Variants in DYDC1 observed in about 807,000 individuals in gnomAD.
The protein encoded by DYDC1 is DPY30 domain containing 1, also known as DPY30 domain-containing protein 1.
In DYDC1, 21 loss-of-function variants were observed where a neutral mutation model predicts 27.9. The observed-to-expected ratio is 0.75, with a 90% CI of 0.53 to 1.08. The LOEUF is 1.08. Ranked by LOEUF, DYDC1 falls within the 50% of genes least tolerant of loss-of-function variation. The pLI is 0.00. For synonymous variants in DYDC1, 67 were observed against 65.8 expected, an observed-to-expected ratio of 1.02 and a Z score of -0.09; for missense variants, 202 against 205.9, an observed-to-expected ratio of 0.98 and a Z score of 0.12.
chr10:80,343,220 G>T (rs181051750), intron 3 of DYDC1, among the ~76,000 whole-genome samples: 1 of 152,058 alleles, frequency 6.6e-6, no homozygotes, highest in Non-Finnish European at 1.5e-5. Context: ...ATAGGAAAAC[G>T]GTATGAAATG....
At position 80,352,504 on chromosome 10, in the gene DYDC1, A is replaced by G. The variant is rs759659417; in HGVS notation, c.98T>C (p.Leu33Ser). The G allele has an allele frequency of 1.9e-6, 3 of 1,613,426 alleles. No individual in the cohort carries two copies. The South Asian group carries it at 3.3e-5, about 18-fold the overall frequency. Residue 33 changes from leucine (L) to serine (S), a missense_variant, in exon 2 of 7, where the codon TTA becomes TCA. Transcript: ENST00000372202. ...RVRPVDPIEY[L>S]ALWIYKYKEN... ...CTTATACTTGTAAATCCACAATGCT[A>G]AATATTCTATCGGATCCACTGGGCG...
chr10:80,336,121 A>G lies in DYDC1; in HGVS notation c.*35T>C. On this transcript the variant is annotated 3_prime_UTR_variant, in exon 7 of 7. Coordinates refer to ENST00000372202, the MANE Select transcript of DYDC1 (RefSeq NM_001269053.2). ...ACCTCATGGTTTGAAATTTGAAACA[A>G]ACAAAAACATTTATTGCTCTTAGGT... 7.3e-7 allele frequency: 1 copy of G among 1,371,442 alleles called. No individual in the cohort carries two copies. Among genetic ancestry groups the G allele is most frequent in the Non-Finnish European group, 1.0e-6 (1 of 983,318 alleles). 85.0% of individuals were successfully genotyped at this position (1,371,442 alleles called of 1,614,324 possible).
chr10:80,338,038 G>A, intron 6 of DYDC1: 1 of 974,948 alleles, frequency 1.0e-6, no homozygotes, highest in African/African-American at 1.8e-5. Context: ...ATCAGGCACA[G>A]TGCCTGGCAT....
rs915733110 is a variant in DYDC1, at chr10:80,352,924, T to C, written c.-9-314A>G. On this transcript the variant is annotated intron_variant, in intron 1 of 6. Transcript: ENST00000372202. Reference sequence around the variant, plus strand: ...AAGTAATGTGGGTCTCATGTAATCCTCACAACATACCTGAAAAATGGGTAT... The same window carrying C: ...AAGTAATGTGGGTCTCATGTAATCCCCACAACATACCTGAAAAATGGGTAT... Among the ~76,000 whole-genome samples, 4 of 152,162 alleles carry C rather than the reference T, an allele frequency of 2.6e-5. No individual in the cohort carries two copies. The East Asian group carries it at 7.7e-4, about 29-fold the overall frequency.
intron 1 of DYDC1, chr10:80,354,427 A>C (rs1813110533): frequency 6.8e-6 from 1 of 148,106 alleles, no homozygotes; most frequent in Non-Finnish European, 1.5e-5. Flanking sequence ...CAGAGGTTGC[A>C]GTGAGCTGAG....
intron 6 of DYDC1, chr10:80,337,038 T>C (rs1842153207): frequency 1.2e-6 from 1 of 835,656 alleles, no homozygotes; most frequent in Middle Eastern, 6.1e-4. Context: ...GCTCTGCCTT[T>C]ATCCACCTCT....
intron 4 of DYDC1, among the ~76,000 whole-genome samples, chr10:80,341,591 G>C (rs1842321353): frequency 6.6e-6 from 1 of 151,518 alleles, no homozygotes; most frequent in Non-Finnish European, 1.5e-5. Context: ...TCCGAGATTG[G>C]AATACCCTCA....
intron 1 of DYDC1, chr10:80,356,183 ATGTTCCTGTC>A (rs754811022): frequency 1.2e-4 from 116 of 936,864 alleles, no homozygotes; most frequent in Non-Finnish European, 1.4e-4. Flanking sequence ...CTCCCTTAGC[ATGTTCCTGTC>A]TGTGAAACGA....
At chr10:80,352,064 A>G in intron 2 of DYDC1, 62 bp from the exon 3 acceptor site, 1 of 1,496,602 alleles carries the variant, frequency 6.7e-7, no homozygotes, top group Non-Finnish European at 9.3e-7. Flanking sequence ...TGTAAAAGCA[A>G]TCTTGAAAGC....
intron 3 of DYDC1, among the ~76,000 whole-genome samples, chr10:80,350,280 G>C (rs1220265402): frequency 1.3e-5 from 2 of 152,190 alleles, no homozygotes; most frequent in Non-Finnish European, 2.9e-5. Flanking sequence ...GCCAAATTAT[G>C]CATAAGTAGG....
chr10:80,337,528 A>C (rs1182039068), intron 6 of DYDC1: 1 of 704,062 alleles, frequency 1.4e-6, no homozygotes, highest in Non-Finnish European at 1.7e-6. Flanking sequence ...TGCAAAATGT[A>C]GCTCTCATCA....
Position 80,351,861 on chromosome 10 carries a change from G to A in DYDC1, c.249+40C>T, listed in dbSNP as rs372259983. 56 of 1,588,494 alleles carry A rather than the reference G, an allele frequency of 3.5e-5. No homozygotes were observed. The African/African-American group carries it at 5.0e-4, about 14-fold the overall frequency. Reference sequence around the variant, plus strand: ...GCTGTGCCATGCTGAGGTTGGCATCGTTAATTCCAGTCCCCTCTGAACTCT... The same window carrying A: ...GCTGTGCCATGCTGAGGTTGGCATCATTAATTCCAGTCCCCTCTGAACTCT... On this transcript the variant is annotated intron_variant, in intron 3 of 6. Transcript: ENST00000372202.
At chr10:80,342,187 C>T in intron 4 of DYDC1, 82 bp downstream of exon 4, 1 of 1,358,810 alleles carries the variant, frequency 7.4e-7, no homozygotes, top group Non-Finnish European at 1.0e-6. Context: ...TCCCATGGTC[C>T]TTCTGCTAAC....
chr10:80,353,720 G>A (rs2132847328), intron 1 of DYDC1, among the ~76,000 whole-genome samples: 1 of 151,890 alleles, frequency 6.6e-6, no homozygotes, highest in South Asian at 2.1e-4. Context: ...TACTCTGTCT[G>A]TGCCTGGGCT....
chr10:80,352,727 C>T, intron 1 of DYDC1, 117 bp from the exon 2 acceptor site: 1 of 1,275,808 alleles, frequency 7.8e-7, no homozygotes, highest in Non-Finnish European at 1.0e-6. Flanking sequence ...TCATGGACAC[C>T]TCCCATTGGG....
chr10:80,356,202 G>T, intron 1 of DYDC1: 1 of 966,312 alleles, frequency 1.0e-6, no homozygotes, highest in Non-Finnish European at 1.2e-6. Context: ...TCTGTGAAAC[G>T]AGGATAATAC....
At chr10:80,346,477 T>TTTTTTTTTTTTTTC (rs1589508887) in intron 3 of DYDC1, among the ~76,000 whole-genome samples, 1 of 142,938 alleles carries the variant, frequency 7.0e-6, no homozygotes, top group African/African-American at 2.6e-5. Context: ...TTTTTCTTTT[T>TTTTTTTTTTTTTTC]TGAGACGGAG....
chr10:80,345,742 T>C (rs1014060023), intron 3 of DYDC1, among the ~76,000 whole-genome samples: 7 of 152,210 alleles, frequency 4.6e-5, no homozygotes, highest in African/African-American at 1.7e-4. Context: ...GTTTCATCCA[T>C]GTCATCACAA....
At chr10:80,337,891 T>G (rs181757840) in intron 6 of DYDC1, among the ~76,000 whole-genome samples, 1 of 152,254 alleles carries the variant, frequency 6.6e-6, no homozygotes, top group African/African-American at 2.4e-5. Context: ...CGGCTCTCAT[T>G]CTCAAAAGCA....
Sources: allele counts gnomAD v4.1 joint callset (sites outside exome capture counted in the v4.1 genomes callset), GRCh38; gene constraint gnomAD v4.1.1; transcripts MANE v1.5; gene names NCBI Gene and HGNC (gene_info 2026-07-23, HGNC 2026-07-21).